The following ESPNL variants were observed in gnomAD, a reference collection of about 807,000 sequenced individuals.
ESPNL encodes the protein espin like, also known as espin-like protein.
ESPNL carries 49 observed loss-of-function variants against 46.8 expected under a neutral mutation model. That is an observed-to-expected ratio of 1.05 (90% CI 0.83 to 1.33). The LOEUF (loss-of-function observed/expected upper bound fraction) is 1.33, where lower values mean the gene tolerates loss of function less well. Ranked by LOEUF, ESPNL falls within the 40% of genes most tolerant of loss-of-function variation. The pLI, the probability that ESPNL is intolerant of heterozygous loss-of-function variation, is 0.00. For synonymous variants in ESPNL, 664 were observed against 662.1 expected, an observed-to-expected ratio of 1.00 and a Z score of -0.04; for missense variants, 1,540 against 1,436.6, an observed-to-expected ratio of 1.07 and a Z score of -1.16.
At chr2:238,126,278 T>G (rs533212565) in intron 6 of ESPNL, among the ~76,000 whole-genome samples, 2 of 151,558 alleles carry the variant, frequency 1.3e-5, no homozygotes, top group Non-Finnish European at 2.9e-5. Flanking sequence ...CATCTGTGTA[T>G]TGTGTTTGTG....
rs1332773711 is a variant in ESPNL at position 238,114,347 on chromosome 2, AC to A, written c.856-2552del. ...CGTGACACCCCTCATACTCCTGCAGACCCCGTAACTCCCCTCCTCCGCATCC... is the reference window on the plus strand; with the variant it reads ...CGTGACACCCCTCATACTCCTGCAGACCCGTAACTCCCCTCCTCCGCATCC... On this transcript the variant is annotated intron_variant, in intron 4 of 8. Transcript: ENST00000343063. The surrounding 1 kb of genome is among the most constrained non-coding windows in gnomAD (Gnocchi z 5.0). Among the ~76,000 whole-genome samples the A allele has an allele frequency of 6.6e-6, 1 of 151,254 alleles. No individual in the cohort carries two copies. The highest frequency in any genetic ancestry group is 2.4e-5 in the African/African-American group (1 of 41,086).
chr2:238,118,751 ATGGAT>A (rs1691892780), intron 5 of ESPNL, among the ~76,000 whole-genome samples: 2 of 46,658 alleles, frequency 4.3e-5, no homozygotes, highest in African/African-American at 9.3e-5. Context: ...TTGCAGGAGG[ATGGAT>A]GGAGGAGGGT....
At chr2:238,129,220 G>A (rs1692221251) in intron 8 of ESPNL, 4 of 1,275,036 alleles carry the variant, frequency 3.1e-6, no homozygotes, top group African/African-American at 1.5e-5. Context: ...GAAGACGGTG[G>A]CCCATGGGCA....
chr2:238,122,204 G>A (rs1358793556), intron 5 of ESPNL, among the ~76,000 whole-genome samples: 1 of 152,246 alleles, frequency 6.6e-6, no homozygotes, highest in East Asian at 1.9e-4. Context: ...TGACATCTGC[G>A]CCTCCAGATC....
intron 2 of ESPNL, among the ~76,000 whole-genome samples, chr2:238,104,080 C>T (rs78881676): frequency 0.014 from 2,109 of 152,210 alleles, 45 homozygotes; most frequent in African/African-American, 0.048. Context: ...CTCGTGAGAT[C>T]CCTTCATTAC....
rs201765703 is a variant in ESPNL at position 238,125,302 on chromosome 2, G to A, written c.1020G>A (p.Pro340=). ...VPLLMTPPPP[P]FPPPPLLATR... ...TGCTGATGACGCCCCCACCACCACC[G>A]TTCCCCCCACCTCCACTGTTGGCCA... Residue 340 remains proline, a synonymous_variant, in exon 6 of 9, where the codon CCG becomes CCA. Coordinates refer to ENST00000343063, the MANE Select transcript of ESPNL (RefSeq NM_194312.4). 466 of 1,556,800 alleles carry A rather than the reference G, an allele frequency of 3.0e-4. 2 individuals are homozygous for A. Among genetic ancestry groups the A allele is most frequent in the Non-Finnish European group, 2.9e-4 (339 of 1,151,722 alleles).
intron 6 of ESPNL, 152 bp downstream of exon 6, chr2:238,125,536 G>C: frequency 2.1e-6 from 1 of 467,424 alleles, no homozygotes; most frequent in South Asian, 4.7e-5. Flanking sequence ...AGGTTTCCTT[G>C]ACTGTCTTTG....
chr2:238,130,958 C>T lies in ESPNL; in HGVS notation c.2244C>T (p.His748=), dbSNP rs1376831955. Reference sequence around the variant, plus strand: ...GCATCATCATGCTCTTCCTCAGCCACTGGAGGAGATCGGCCTACACGCCGG... The same window carrying T: ...GCATCATCATGCTCTTCCTCAGCCATTGGAGGAGATCGGCCTACACGCCGG... ...KERIIMLFLS[H]WRRSAYTPAL... is the part of the protein sequence containing the mutation. Residue 748 remains histidine (H), a synonymous_variant, in exon 9 of 9, where the codon CAC becomes CAT. Transcript: ENST00000343063. 1 of 1,550,048 alleles carries T rather than the reference C, an allele frequency of 6.5e-7. No homozygotes were observed. The highest frequency in any genetic ancestry group is 8.7e-7 in the Non-Finnish European group (1 of 1,147,754).
intron 6 of ESPNL, among the ~76,000 whole-genome samples, chr2:238,126,250 G>T (rs1483962272): frequency 6.7e-6 from 1 of 148,772 alleles, no homozygotes; most frequent in East Asian, 2.0e-4. Flanking sequence ...TATGTGTATG[G>T]TGATTGTGTG....
Position 238,100,640 on chromosome 2 carries a change from C to T in ESPNL, c.221C>T (p.Ala74Val), listed in dbSNP as rs1691444731. The change falls in exon 1 of 9, where the codon GCG becomes GTG. Residue 74 changes from alanine to valine, a missense_variant. By Grantham distance (64) the Ala-to-Val change is moderately conservative. Coordinates refer to ENST00000343063, the MANE Select transcript of ESPNL (RefSeq NM_194312.4). ...CGGGCCCACAACGGGGCCACCCCAG[C>T]GCATGACGCCGCTGCCACGGGCAGC... ...NQRAHNGATP[A>V]HDAAATGSLA... is the part of the protein sequence containing the mutation. The T allele has an allele frequency of 6.9e-6, 10 of 1,453,438 alleles. No individual in the cohort carries two copies. The highest frequency in any genetic ancestry group is 2.3e-4 in the Middle Eastern group (1 of 4,328). 90.0% of individuals were successfully genotyped at this position (1,453,438 alleles called of 1,614,324 possible).
chr2:238,107,686 G>A (rs576781264), intron 3 of ESPNL, 105 bp from the exon 4 acceptor site: 44 of 1,169,540 alleles, frequency 3.8e-5, no homozygotes, highest in African/African-American at 1.1e-4. Flanking sequence ...CCTGTGCCCC[G>A]AGAGGTACAG....
intron 3 of ESPNL, among the ~76,000 whole-genome samples, 166 bp from the exon 4 acceptor site, chr2:238,107,625 C>T (rs533980318): frequency 5.9e-5 from 9 of 152,336 alleles, no homozygotes; most frequent in East Asian, 1.9e-4. Flanking sequence ...CCCAGGGTGA[C>T]GGGGACGCAC....
Position 238,128,734 on chromosome 2 carries a change from A to T in ESPNL, c.1243A>T (p.Thr415Ser), listed in dbSNP as rs772635545. 1.9e-6 allele frequency: 3 copies of T among 1,601,836 alleles called. No homozygotes were observed. The highest frequency in any genetic ancestry group is 1.7e-6 in the Non-Finnish European group (2 of 1,175,150). Residue 415 changes from threonine to serine, a missense_variant, in exon 8 of 9, where the codon ACC becomes TCC. By Grantham distance (58) the Thr-to-Ser change is moderately conservative. Coordinates refer to ENST00000343063, the MANE Select transcript of ESPNL (RefSeq NM_194312.4). ...GACAGAGACGGCGCTGGCGGGGGACACCTCAGATGGCCTGGCCGCACTACA... is the reference window on the plus strand; with the variant it reads ...GACAGAGACGGCGCTGGCGGGGGACTCCTCAGATGGCCTGGCCGCACTACA... ...EGTETALAGD[T>S]SDGLAALQLD...
At chr2:238,101,122 G>C (rs999818491) in intron 1 of ESPNL, among the ~76,000 whole-genome samples, 1 of 152,166 alleles carries the variant, frequency 6.6e-6, no homozygotes, top group Non-Finnish European at 1.5e-5. Context: ...TAGGGCTGCT[G>C]ATGGTGATCG....
chr2:238,129,721 C>T (rs1692238772), intron 8 of ESPNL, among the ~76,000 whole-genome samples: 1 of 152,260 alleles, frequency 6.6e-6, no homozygotes. Flanking sequence ...TCCTGCCAGC[C>T]ACATGCAGCC....
chr2:238,105,020 C>G (rs914100511), intron 3 of ESPNL, among the ~76,000 whole-genome samples, 178 bp downstream of exon 3: 3 of 152,068 alleles, frequency 2.0e-5, no homozygotes, highest in African/African-American at 7.2e-5. Flanking sequence ...GGCTGGGCCC[C>G]AGAAGTTTTG....
rs12692211 is a variant in ESPNL, at chr2:238,114,285, T to C, written c.856-2618T>C. Among the ~76,000 whole-genome samples, 28,866 of 151,986 alleles carry C rather than the reference T, an allele frequency of 0.19. 3,008 individuals carry two copies. The highest frequency in any genetic ancestry group is 0.27 in the African/African-American group (11,060 of 41,440). Reference sequence around the variant, plus strand: ...CTTTGCCCTCTCTCCCCAGCACCATTTGGGGCCAGGTCTGACACTTGTCCC... The same window carrying C: ...CTTTGCCCTCTCTCCCCAGCACCATCTGGGGCCAGGTCTGACACTTGTCCC... On this transcript the variant is annotated intron_variant, in intron 4 of 8. Transcript: ENST00000343063. This position sits in a 1 kb window ranked among gnomAD's most constrained non-coding sequence, Gnocchi z 5.0.
chr2:238,110,829 A>G (rs1480186672), intron 4 of ESPNL, among the ~76,000 whole-genome samples: 1 of 152,198 alleles, frequency 6.6e-6, no homozygotes, highest in Non-Finnish European at 1.5e-5. Flanking sequence ...TGGCTCTGAC[A>G]GCTTTTTCCC....
chr2:238,127,622 C>T lies in ESPNL; in HGVS notation c.1103C>T (p.Pro368Leu), dbSNP rs1480201321. Reference protein sequence around the residue: ...RGGPGPGNPSPMSLSPAWPGH... With the variant: ...RGGPGPGNPSLMSLSPAWPGH... Reference sequence around the variant, plus strand: ...GCAACACCCTTCTTCTTCTTGGCAGCCATGTCCCTCAGCCCGGCCTGGCCT... The same window carrying T: ...GCAACACCCTTCTTCTTCTTGGCAGTCATGTCCCTCAGCCCGGCCTGGCCT... Residue 368 changes from proline to leucine, a missense_variant and splice_region_variant, in exon 7 of 9, where the codon CCC becomes CTC. Pro to Leu is a moderately conservative substitution (Grantham distance 98). Coordinates refer to ENST00000343063, the MANE Select transcript of ESPNL (RefSeq NM_194312.4). The T allele has an allele frequency of 1.2e-6, 2 of 1,603,278 alleles. No individual in the cohort carries two copies. The highest frequency in any genetic ancestry group is 1.7e-6 in the Non-Finnish European group (2 of 1,175,438).
Sources: allele counts gnomAD v4.1 joint callset (sites outside exome capture counted in the v4.1 genomes callset), GRCh38; gene constraint gnomAD v4.1.1; non-coding constraint Gnocchi (gnomAD v3.1); transcripts MANE v1.5; gene names NCBI Gene and HGNC (gene_info 2026-07-23, HGNC 2026-07-21).